The following TPRA1 variants were observed in gnomAD, a reference collection of about 807,000 sequenced individuals.
TPRA1 encodes transmembrane protein adipocyte-associated 1.
TPRA1 carries 28 observed loss-of-function variants against 40.1 expected under a neutral mutation model. The observed-to-expected ratio is 0.70, with a 90% CI of 0.52 to 0.96. TPRA1 has a LOEUF of 0.96. Ranked by LOEUF, TPRA1 falls within the 40% of genes least tolerant of loss-of-function variation. The pLI is 0.00. For synonymous variants in TPRA1, 219 were observed against 209.7 expected, an observed-to-expected ratio of 1.04 and a Z score of -0.38; for missense variants, 441 against 482.6, an observed-to-expected ratio of 0.91 and a Z score of 0.81.
At position 127,576,480 on chromosome 3, in the gene TPRA1, A is replaced by AC. The variant is rs1402005540; in HGVS notation, c.498+136dup. 8 of 846,984 alleles carry AC rather than the reference A, an allele frequency of 9.4e-6. No individual in the cohort carries two copies. The African/African-American group carries it at 1.4e-4, about 14-fold the overall frequency. 52.5% of individuals were successfully genotyped at this position (846,984 alleles called of 1,614,324 possible). Reference sequence around the variant, plus strand: ...CCCAGAATGTGCCTCGGTAACAAGCACCCCATGTGATTTCTCAGGTGCAAA... The same window carrying AC: ...CCCAGAATGTGCCTCGGTAACAAGCACCCCCATGTGATTTCTCAGGTGCAAA... On this transcript the variant is annotated intron_variant, in intron 6 of 10. Transcript: ENST00000355552. The surrounding 1 kb of genome is among the most constrained non-coding windows in gnomAD (Gnocchi z 4.6).
upstream of TPRA1, among the ~76,000 whole-genome samples, chr3:127,593,777 C>T (rs2074215009): frequency 6.6e-6 from 1 of 152,224 alleles, no homozygotes. Context: ...ACCACAGGTG[C>T]TGTGCAGGTG....
chr3:127,590,575 G>A lies in TPRA1; in HGVS notation c.-183C>T, dbSNP rs2074143816. On this transcript the variant is annotated 5_prime_UTR_variant, in exon 1 of 11. Coordinates refer to ENST00000355552, the MANE Select transcript of TPRA1 (RefSeq NM_001136053.4). ...CGTCGCGCAAGGACCGGGCGCGACCGGCTCCGTGGAATGAGGGCTAGGCAG... is the reference window on the plus strand; with the variant it reads ...CGTCGCGCAAGGACCGGGCGCGACCAGCTCCGTGGAATGAGGGCTAGGCAG... 6.6e-6 allele frequency: 1 copy of A among 152,382 alleles called. No individual in the cohort carries two copies. The highest frequency in any genetic ancestry group is 1.5e-5 in the Non-Finnish European group (1 of 68,064). 9.4% of individuals were successfully genotyped at this position (152,382 alleles called of 1,614,324 possible).
At chr3:127,575,849 C>T (rs1559833435) in intron 7 of TPRA1, 40 bp from the exon 8 acceptor site, 1 of 1,612,308 alleles carries the variant, frequency 6.2e-7, no homozygotes, top group South Asian at 1.1e-5. Context: ...CTGGGGGCGC[C>T]AGCCCAGACC....
At chr3:127,583,627 C>G (rs1241647482) in intron 1 of TPRA1, among the ~76,000 whole-genome samples, 1 of 151,766 alleles carries the variant, frequency 6.6e-6, no homozygotes, top group African/African-American at 2.4e-5. Flanking sequence ...ATGGCTCCTT[C>G]CCTACTGTTG....
chr3:127,574,976 G>A (rs1464135768), intron 10 of TPRA1: 15 of 604,616 alleles, frequency 2.5e-5, no homozygotes, highest in South Asian at 1.4e-4. Flanking sequence ...GCATGTGCAC[G>A]TGTCCATGCA....
chr3:127,588,288 TC>T (rs761778097), intron 1 of TPRA1: 1 of 152,374 alleles, frequency 6.6e-6, no homozygotes, highest in East Asian at 1.9e-4. Flanking sequence ...AGTCTGTGTT[TC>T]CCACAGGCTC....
rs745855049 is a variant in TPRA1 at position 127,575,826 on chromosome 3, G to T, written c.610-17C>A. On this transcript the variant is annotated splice_polypyrimidine_tract_variant and intron_variant, in intron 7 of 10. Coordinates refer to ENST00000355552, the MANE Select transcript of TPRA1 (RefSeq NM_001136053.4). ...AGAGTAGACCTACAGAGACAGGCAG[G>T]GCTGAGAAGGTGCTGGGGGCGCCAG... 6.2e-7 allele frequency: 1 copy of T among 1,613,752 alleles called. No individual in the cohort carries two copies. Among genetic ancestry groups the T allele is most frequent in the Non-Finnish European group, 8.5e-7 (1 of 1,179,930 alleles).
chr3:127,577,697 G>C (rs531677623), intron 3 of TPRA1, among the ~76,000 whole-genome samples: 1 of 151,964 alleles, frequency 6.6e-6, no homozygotes, highest in South Asian at 2.1e-4. Flanking sequence ...GGTGCTTATC[G>C]GCCTGGTATA....
chr3:127,574,863 T>G, intron 10 of TPRA1: 1 of 417,820 alleles, frequency 2.4e-6, no homozygotes, highest in Non-Finnish European at 4.5e-6. Context: ...TATGCATGCA[T>G]GTGGGTGTGC....
intron 1 of TPRA1, among the ~76,000 whole-genome samples, 158 bp downstream of exon 1, chr3:127,590,252 C>T (rs1188343244): frequency 6.6e-6 from 1 of 152,170 alleles, no homozygotes; most frequent in Non-Finnish European, 1.5e-5. Context: ...CCAGGGCCTT[C>T]CCTCCCAAAC....
chr3:127,582,184 G>A (rs2107645604), intron 1 of TPRA1, among the ~76,000 whole-genome samples: 1 of 152,282 alleles, frequency 6.6e-6, no homozygotes, highest in East Asian at 1.9e-4. Context: ...TGAAAGGGAG[G>A]GAAGACTCTG....
At position 127,573,380 on chromosome 3, in the gene TPRA1, G is replaced by A; in HGVS notation, c.*141C>T. ...GGATTGGGAGCCCCAGGGAGGTGGG[G>A]CCTCCAGACTCATGGTGGGAACAGG... is the stretch of plus-strand genomic sequence containing the variant. On this transcript the variant is annotated 3_prime_UTR_variant, in exon 11 of 11. Transcript: ENST00000355552. 3 of 1,139,066 alleles carry A rather than the reference G, an allele frequency of 2.6e-6. No homozygotes were observed. Among genetic ancestry groups the A allele is most frequent in the South Asian group, 3.4e-5 (2 of 58,666 alleles). The allele number at this position is 1,139,066 out of a possible 1,614,324, so 70.6% of individuals were successfully genotyped here. A position where few individuals can be genotyped will look rare whatever the true frequency, so the allele number is the denominator to read the frequency against.
intron 1 of TPRA1, among the ~76,000 whole-genome samples, chr3:127,596,785 A>G (rs955749258): frequency 5.9e-5 from 9 of 152,120 alleles, no homozygotes; most frequent in African/African-American, 1.9e-4. Flanking sequence ...GTCATCCTGC[A>G]TGCCTCTTTT....
intron 1 of TPRA1, among the ~76,000 whole-genome samples, chr3:127,586,835 C>T (rs547211779): frequency 1.3e-5 from 2 of 152,266 alleles, no homozygotes; most frequent in East Asian, 3.9e-4. Context: ...GGCACAGAGG[C>T]CAGTGGGGAG....
Position 127,575,505 on chromosome 3 carries a change from G to A in TPRA1, c.671C>T (p.Ser224Phe). Reference sequence around the variant, plus strand: ...CGCATACACGTAGAAGCTCCTCCGAGCTGGGGGCCGGACAGGGTGGGTCGT... The same window carrying A: ...CGCATACACGTAGAAGCTCCTCCGAACTGGGGGCCGGACAGGGTGGGTCGT... Reference protein sequence around the residue: ...TPLKERISLPSRRSFYVYAGI... With the variant: ...TPLKERISLPFRRSFYVYAGI... The change falls in exon 9 of 11, where the codon TCT (serine) becomes TTT (phenylalanine). Residue 224 changes from serine to phenylalanine, a missense_variant and splice_region_variant. Physicochemically the swap from Ser to Phe is radical, Grantham distance 155 (BLOSUM62 -2). Coordinates refer to ENST00000355552, the MANE Select transcript of TPRA1 (RefSeq NM_001136053.4). The A allele has an allele frequency of 1.3e-6, 2 of 1,562,526 alleles. No individual in the cohort carries two copies. Among genetic ancestry groups the A allele is most frequent in the South Asian group, 1.2e-5 (1 of 84,100 alleles).
chr3:127,583,859 CG>C (rs898943419), intron 1 of TPRA1, among the ~76,000 whole-genome samples: 3 of 151,864 alleles, frequency 2.0e-5, no homozygotes, highest in Non-Finnish European at 4.4e-5. Context: ...TTAGTAGAGA[CG>C]GGGTTTCATC....
In TPRA1 at chr3:127,576,107, A is replaced by G. The variant is rs1233686561; in HGVS notation, c.499-57T>C. ...GAGGATCTCAAGGCTTCTCTCTCCCAGGGGCTTTCCCTGATGCAAAGCCCC... is the reference window on the plus strand; with the variant it reads ...GAGGATCTCAAGGCTTCTCTCTCCCGGGGGCTTTCCCTGATGCAAAGCCCC... On this transcript the variant is annotated intron_variant, in intron 6 of 10. Transcript: ENST00000355552. The surrounding 1 kb of genome is among the most constrained non-coding windows in gnomAD (Gnocchi z 4.6). 1.4e-6 allele frequency: 2 copies of G among 1,415,740 alleles called. No homozygotes were observed. Among genetic ancestry groups the G allele is most frequent in the African/African-American group, 2.8e-5 (2 of 70,742 alleles). The allele number at this position is 1,415,740 out of a possible 1,614,324, so 87.7% of individuals were successfully genotyped here. A position where few individuals can be genotyped will look rare whatever the true frequency, so the allele number is the denominator to read the frequency against.
Position 127,579,809 on chromosome 3 carries a change from C to T in TPRA1, c.189G>A (p.Trp63Ter). The T allele has an allele frequency of 6.2e-7, 1 of 1,614,062 alleles. No individual in the cohort carries two copies. ...TCTTCGCCCGAGCAGATGGAAGCTT[C>T]CAGAGCAGGAAGATGAGGAAGAGCA... Reference protein sequence around the residue: ...PNVLFLIFLLWKLPSARAKIR... With the variant: ...PNVLFLIFLL The change falls in exon 3 of 11, where the codon TGG becomes TGA. Residue 63 changes from tryptophan to a stop codon, truncating the protein, a stop_gained. Coordinates refer to ENST00000355552, the MANE Select transcript of TPRA1 (RefSeq NM_001136053.4). LOFTEE classifies it high-confidence loss of function.
intron 1 of TPRA1, among the ~76,000 whole-genome samples, chr3:127,588,593 G>C (rs2074073479): frequency 6.6e-6 from 1 of 151,954 alleles, no homozygotes; most frequent in Non-Finnish European, 1.5e-5. Flanking sequence ...GCTAATTTTT[G>C]TATTTTTAGT....
Sources: gnomAD v4.1 joint callset for allele counts (sites outside exome capture counted in the v4.1 genomes callset) on GRCh38, gnomAD v4.1.1 for gene constraint, Gnocchi (gnomAD v3.1) non-coding constraint, MANE v1.5 for transcripts, NCBI Gene and HGNC (gene_info 2026-07-23, HGNC 2026-07-21) for gene names.